Variants in GIMAP8 observed in about 807,000 individuals in gnomAD.
GIMAP8 encodes the protein GTPase IMAP family member 8.
GIMAP8 carries 29 observed loss-of-function variants against 35.6 expected under a neutral mutation model. That is an observed-to-expected ratio of 0.81 (90% CI 0.61 to 1.11). The LOEUF (loss-of-function observed/expected upper bound fraction) is 1.11. Ranked by LOEUF, GIMAP8 falls within the 50% of genes most tolerant of loss-of-function variation. The pLI, the probability that GIMAP8 is intolerant of heterozygous loss-of-function variation, is 0.00. For synonymous variants in GIMAP8, 335 were observed against 308.7 expected (o/e 1.09, Z -0.89); for missense variants, 811 against 805.0 (o/e 1.01, Z -0.09).
At position 150,466,913 on chromosome 7, in the gene GIMAP8, C is replaced by T. The variant is rs780657422; in HGVS notation, c.215C>T (p.Ser72Leu). 9.3e-6 allele frequency: 15 copies of T among 1,614,096 alleles called. No homozygotes were observed. The South Asian group carries it at 1.6e-4, about 18-fold the overall frequency. The change falls in exon 2 of 5, where the codon TCA becomes TTA. Residue 72 changes from serine (S) to leucine (L), a missense_variant. By Grantham distance (145) the Ser-to-Leu change is moderately radical (BLOSUM62 -2). Coordinates refer to ENST00000307271, the MANE Select transcript of GIMAP8 (RefSeq NM_175571.4). The stretch of plus-strand genomic sequence containing the variant: ...ATTGACACCCCTGACCTTTTCTCCT[C>T]AATAGCTTGTGCTGAAGACAAGCAA... The part of the protein sequence containing the change: ...VVIDTPDLFS[S>L]IACAEDKQRN...
intron 1 of GIMAP8, among the ~76,000 whole-genome samples, chr7:150,453,178 G>A (rs1801656050): frequency 6.6e-6 from 1 of 152,116 alleles, no homozygotes; most frequent in Non-Finnish European, 1.5e-5. Context: ...AGAAAATTGA[G>A]GAGAGAGAGG....
chr7:150,459,068 C>G (rs1295262090), intron 1 of GIMAP8, among the ~76,000 whole-genome samples: 1 of 152,178 alleles, frequency 6.6e-6, no homozygotes, highest in East Asian at 1.9e-4. Flanking sequence ...TGGAGGGTGA[C>G]CCAGACCTTT....
chr7:150,465,459 C>T (rs1009381766), intron 1 of GIMAP8, among the ~76,000 whole-genome samples: 1 of 152,088 alleles, frequency 6.6e-6, no homozygotes, highest in African/African-American at 2.4e-5. Context: ...TTCCTCGCAG[C>T]GACAGTTTTG....
rs1214519063 is a variant in GIMAP8, at chr7:150,466,847, A to G, written c.149A>G (p.Gln50Arg). The change falls in exon 2 of 5, where the codon CAG becomes CGG. Residue 50 changes from glutamine to arginine, a missense_variant. By Grantham distance (43) the Gln-to-Arg change is conservative. Coordinates refer to ENST00000307271, the MANE Select transcript of GIMAP8 (RefSeq NM_175571.4). ...GATCAGACAGTGATCAAAATGTGCC[A>G]GAGAGAGAGTTGGGTCCTGAGAGAA... ...FSDQTVIKMCQRESWVLRERK... is the reference protein window; with the variant it reads ...FSDQTVIKMCRRESWVLRERK... 6.2e-7 allele frequency: 1 copy of G among 1,614,192 alleles called. No homozygotes were observed. Among genetic ancestry groups the G allele is most frequent in the Admixed American group, 1.7e-5 (1 of 60,034 alleles).
Position 150,466,799 on chromosome 7 carries a change from A to T in GIMAP8, c.101A>T (p.His34Leu). 1.2e-6 allele frequency: 2 copies of T among 1,613,748 alleles called. No individual in the cohort carries two copies. Among genetic ancestry groups the T allele is most frequent in the Non-Finnish European group, 1.7e-6 (2 of 1,179,648 alleles). The stretch of plus-strand genomic sequence containing the variant: ...ACAGGAAATGCCATTCTGGGCAAAC[A>T]TGTGTTCAAGTCCAAGTTCAGTGAT... Reference protein sequence around the residue: ...SATGNAILGKHVFKSKFSDQT... With the variant: ...SATGNAILGKLVFKSKFSDQT... The change falls in exon 2 of 5, where the codon CAT (histidine) becomes CTT (leucine). Residue 34 changes from histidine to leucine, a missense_variant. Physicochemically the swap from His to Leu is moderately conservative, Grantham distance 99. Transcript: ENST00000307271.
At position 150,474,111 on chromosome 7, in the gene GIMAP8, G is replaced by A; in HGVS notation, c.782G>A (p.Ser261Asn). Residue 261 changes from serine (S) to asparagine (N), a missense_variant, in exon 4 of 5, where the codon AGT becomes AAT. By Grantham distance (46) the Ser-to-Asn change is conservative. Coordinates refer to ENST00000307271, the MANE Select transcript of GIMAP8 (RefSeq NM_175571.4). ...GTGGGGAAACGCGGTGCTGGAAAAA[G>A]TGCAGCAGGAAACAGCATTCTGGGG... ...LLVGKRGAGK[S>N]AAGNSILGRQ... is the part of the protein sequence containing the mutation. 1.2e-6 allele frequency: 2 copies of A among 1,614,202 alleles called. No homozygotes were observed. Among genetic ancestry groups the A allele is most frequent in the South Asian group, 1.1e-5 (1 of 91,080 alleles).
intron 1 of GIMAP8, among the ~76,000 whole-genome samples, chr7:150,461,330 A>G (rs1361082858): frequency 6.6e-6 from 1 of 152,250 alleles, no homozygotes; most frequent in African/African-American, 2.4e-5. Context: ...CTGGGGTATT[A>G]AAGTCTCCAC....
intron 4 of GIMAP8, among the ~76,000 whole-genome samples, chr7:150,476,838 A>G (rs1368981458): frequency 6.6e-6 from 1 of 152,214 alleles, no homozygotes; most frequent in Non-Finnish European, 1.5e-5. Context: ...TGATAGGAAC[A>G]GTGCCACATT....
At position 150,474,278 on chromosome 7, in the gene GIMAP8, AG is replaced by A; in HGVS notation, c.950del (p.Arg317LysfsTer14). The A allele has an allele frequency of 1.9e-6, 3 of 1,614,198 alleles. No individual in the cohort carries two copies. In the East Asian group the frequency reaches 6.7e-5, roughly 36 times the overall value. ...TTTAAAGAACATTGACTCAGAAGTT[AG>A]AAAACACATCTGTACAGGCCCCCAT... ...SSLKNIDSEV[R>X]KHICTGPHAF... is the part of the protein sequence containing the mutation. On this transcript the variant is annotated frameshift_variant, in exon 4 of 5. Coordinates refer to ENST00000307271, the MANE Select transcript of GIMAP8 (RefSeq NM_175571.4). LOFTEE classifies it high-confidence loss of function.
chr7:150,452,667 G>GAGATA (rs1320054486), intron 1 of GIMAP8, among the ~76,000 whole-genome samples: 5 of 96,674 alleles, frequency 5.2e-5, no homozygotes, highest in African/African-American at 2.4e-4. Flanking sequence ...GTGTGTGTGT[G>GAGATA]TGTGTGAGAT....
At chr7:150,474,670 A>G (rs1802185203) in intron 4 of GIMAP8, 32 bp downstream of exon 4, 1 of 1,349,660 alleles carries the variant, frequency 7.4e-7, no homozygotes, top group Non-Finnish European at 9.9e-7. Flanking sequence ...ATATTTTTAC[A>G]TATATCATTT....
At position 150,470,965 on chromosome 7, in the gene GIMAP8, A is replaced by T. The variant is rs191516640; in HGVS notation, c.682+91A>T. On this transcript the variant is annotated intron_variant, in intron 3 of 4. Transcript: ENST00000307271. ...AGTGAAGCGGAAACATTATCCATAT[A>T]AACCAGAAAATTCACCCTGGGGACC... 869 of 972,338 alleles carry T rather than the reference A, an allele frequency of 8.9e-4. 5 individuals are homozygous for T. Among genetic ancestry groups the T allele is most frequent in the Non-Finnish European group, 1.3e-3 (801 of 631,648 alleles). The allele number at this position is 972,338 out of a possible 1,614,324, so 60.2% of individuals were successfully genotyped here. A position where few individuals can be genotyped will look rare whatever the true frequency, so the allele number is the denominator to read the frequency against.
In GIMAP8 at chr7:150,472,683, C is replaced by T. The variant is rs112109345; in HGVS notation, c.683-1329C>T. On this transcript the variant is annotated intron_variant, in intron 3 of 4. Coordinates refer to ENST00000307271, the MANE Select transcript of GIMAP8 (RefSeq NM_175571.4). The surrounding 1 kb of genome is among the most constrained non-coding windows in gnomAD (Gnocchi z 4.1). ...TTTTGGTAAGAATAGAGGAAATACA[C>T]ATGGCAGCTGATTTGTATAGTTTTG... Among the ~76,000 whole-genome samples the T allele has an allele frequency of 7.0e-4, 107 of 152,282 alleles. No individual in the cohort carries two copies. The highest frequency in any genetic ancestry group is 2.5e-3 in the African/African-American group (103 of 41,544).
intron 1 of GIMAP8, among the ~76,000 whole-genome samples, chr7:150,454,011 A>AGGGGACAGTGTGATAGAG (rs1373212720): frequency 1.3e-5 from 2 of 152,100 alleles, no homozygotes; most frequent in African/African-American, 4.8e-5. Context: ...TCCTGTACTA[A>AGGGGACAGTGTGATAGAG]GGGGACAGTG....
chr7:150,453,357 G>A (rs933003118), intron 1 of GIMAP8, among the ~76,000 whole-genome samples: 3 of 152,194 alleles, frequency 2.0e-5, no homozygotes, highest in South Asian at 2.1e-4. Context: ...GCTCTGCCCC[G>A]TGCCGTGCAG....
intron 2 of GIMAP8, among the ~76,000 whole-genome samples, chr7:150,469,894 T>G (rs886682682): frequency 6.6e-6 from 1 of 152,266 alleles, no homozygotes; most frequent in African/African-American, 2.4e-5. Context: ...TCTGTCTATA[T>G]TGACTTCTAC....
chr7:150,473,031 C>T (rs955046772), intron 3 of GIMAP8, among the ~76,000 whole-genome samples: 1 of 152,204 alleles, frequency 6.6e-6, no homozygotes, highest in African/African-American at 2.4e-5. Flanking sequence ...GAAACAGATT[C>T]GCAAAGCGGT....
Position 150,477,458 on chromosome 7 carries a change from A to T in GIMAP8, c.1676A>T (p.Tyr559Phe), listed in dbSNP as rs757421693. 6.2e-7 allele frequency: 1 copy of T among 1,613,768 alleles called. No homozygotes were observed. The highest frequency in any genetic ancestry group is 8.5e-7 in the Non-Finnish European group (1 of 1,179,664). Residue 559 changes from tyrosine (Y) to phenylalanine (F), a missense_variant, in exon 5 of 5, where the codon TAC (tyrosine) becomes TTC (phenylalanine). Transcript: ENST00000307271. Reference sequence around the variant, plus strand: ...ATCTTTGGAGCAGACTTTACGAAATACGCGATTATGCTGTTCACCCGGAAG... The same window carrying T: ...ATCTTTGGAGCAGACTTTACGAAATTCGCGATTATGCTGTTCACCCGGAAG... Reference protein sequence around the residue: ...EAIFGADFTKYAIMLFTRKED... With the variant: ...EAIFGADFTKFAIMLFTRKED...
At chr7:150,470,679 C>A in intron 2 of GIMAP8, 150 bp from the exon 3 acceptor site, 1 of 622,536 alleles carries the variant, frequency 1.6e-6, no homozygotes, top group South Asian at 2.1e-5. Flanking sequence ...CAACAAAGAC[C>A]ATGACCAGGG....
Sources: gnomAD v4.1 joint callset for allele counts (sites outside exome capture counted in the v4.1 genomes callset) on GRCh38, gnomAD v4.1.1 for gene constraint, Gnocchi (gnomAD v3.1) non-coding constraint, MANE v1.5 for transcripts, NCBI Gene and HGNC (gene_info 2026-07-23, HGNC 2026-07-21) for gene names.